The following ST7 variants were observed in gnomAD, a reference collection of about 807,000 sequenced individuals.
ST7 encodes suppressor of tumorigenicity 7 protein.
Under a neutral mutation model 78.7 loss-of-function variants are expected in ST7, and 28 were observed. The ratio of observed to expected loss-of-function variants is 0.36; its 90% CI spans 0.26 to 0.49. ST7 has a LOEUF of 0.49. Ranked by LOEUF, ST7 falls within the 20% of genes least tolerant of loss-of-function variation. The pLI, the probability that ST7 is intolerant of heterozygous loss-of-function variation, is 0.99. For missense variants in ST7, 418 were observed against 696.0 expected (o/e 0.60, Z 4.49); for synonymous variants, 247 against 249.6 (o/e 0.99, Z 0.10).
chr7:117,127,476 C>T (rs1161830348), intron 3 of ST7, among the ~76,000 whole-genome samples: 1 of 151,896 alleles, frequency 6.6e-6, no homozygotes, highest in East Asian at 1.9e-4. Context: ...CATGTGTGAC[C>T]TCTAGGTTGC....
intron 1 of ST7, among the ~76,000 whole-genome samples, chr7:117,039,313 C>T (rs1235675785): frequency 6.6e-6 from 1 of 152,132 alleles, no homozygotes; most frequent in African/African-American, 2.4e-5. Flanking sequence ...TATGATGGCT[C>T]ATGTAATGTC....
intron 1 of ST7, among the ~76,000 whole-genome samples, chr7:116,999,959 T>G (rs1794848354): frequency 6.6e-6 from 1 of 151,844 alleles, no homozygotes; most frequent in South Asian, 2.1e-4. Flanking sequence ...TACAGGTGCC[T>G]GCCACCACGC....
chr7:117,128,685 A>G (rs1394855189), intron 3 of ST7, among the ~76,000 whole-genome samples: 2 of 151,850 alleles, frequency 1.3e-5, no homozygotes, highest in African/African-American at 2.4e-5. Context: ...TGTGTTCTCC[A>G]TTATCACACT....
intron 1 of ST7, among the ~76,000 whole-genome samples, chr7:116,974,275 G>A (rs1793584866): frequency 6.6e-6 from 1 of 151,326 alleles, no homozygotes; most frequent in African/African-American, 2.4e-5. Context: ...TTTAGTATAT[G>A]CTTTTTCTTT....
chr7:117,025,901 A>G (rs1796160874), intron 1 of ST7, among the ~76,000 whole-genome samples: 1 of 152,240 alleles, frequency 6.6e-6, no homozygotes, highest in Admixed American at 6.5e-5. Flanking sequence ...ATACTAGTAC[A>G]GAAATGGAGT....
chr7:117,153,356 A>G (rs1231874816), intron 9 of ST7, among the ~76,000 whole-genome samples: 1 of 152,146 alleles, frequency 6.6e-6, no homozygotes, highest in Non-Finnish European at 1.5e-5. Context: ...TGAGAGAGAT[A>G]TGGGCTAGAG....
At chr7:117,208,724 C>T (rs1031391547) in intron 12 of ST7, among the ~76,000 whole-genome samples, 13 of 152,302 alleles carry the variant, frequency 8.5e-5, no homozygotes, top group African/African-American at 2.6e-4. Flanking sequence ...TAAACTTCCA[C>T]GGACAGAAAA....
intron 1 of ST7, among the ~76,000 whole-genome samples, chr7:117,016,275 C>T (rs1435474177): frequency 6.6e-6 from 1 of 152,078 alleles, no homozygotes; most frequent in African/African-American, 2.4e-5. Flanking sequence ...AAATAAAATG[C>T]ACCCACCTTT....
In ST7 at chr7:117,152,177, CTATATATATATA is replaced by C. The variant is rs58892731; in HGVS notation, c.963+13680_963+13691del. On this transcript the variant is annotated intron_variant, in intron 9 of 15. Coordinates refer to ENST00000323984, the MANE Select transcript of ST7 (RefSeq NM_001369598.1). ...AATATATGTATTATATATATAAAAA[CTATATATATATA>C]TATATATATATATATATATATATAT... 7.7e-3 allele frequency among the ~76,000 whole-genome samples: 512 copies of C among 66,804 alleles called. 6 individuals carry two copies. Among genetic ancestry groups the C allele is most frequent in the African/African-American group, 0.014 (278 of 19,916 alleles). 43.8% of individuals were successfully genotyped at this position (66,804 alleles called of 152,430 possible).
At chr7:116,998,088 G>A (rs1399067525) in intron 1 of ST7, among the ~76,000 whole-genome samples, 2 of 152,252 alleles carry the variant, frequency 1.3e-5, no homozygotes, top group East Asian at 3.8e-4. Flanking sequence ...AGGAGCCCAT[G>A]GAGGCAGGGG....
At chr7:117,154,915 G>A (rs1806569547) in intron 9 of ST7, among the ~76,000 whole-genome samples, 1 of 152,050 alleles carries the variant, frequency 6.6e-6, no homozygotes, top group African/African-American at 2.4e-5. Context: ...GGGAGGAAGG[G>A]GAGGGAGTGT....
At position 116,955,295 on chromosome 7, in the gene ST7, G is replaced by C. The variant is rs1367093710; in HGVS notation, c.151+1604G>C. On this transcript the variant is annotated intron_variant, in intron 1 of 15. Transcript: ENST00000323984. Reference sequence around the variant, plus strand: ...GCTGTAACAGAATACCACAGATTGGGTAATTTTTAAAGAACACATTTTATT... The same window carrying C: ...GCTGTAACAGAATACCACAGATTGGCTAATTTTTAAAGAACACATTTTATT... 32 of 326,566 alleles carry C rather than the reference G, an allele frequency of 9.8e-5. 1 individual carries two copies. The highest frequency in any genetic ancestry group is 7.7e-4 in the South Asian group (32 of 41,296). 20.2% of individuals were successfully genotyped at this position (326,566 alleles called of 1,614,324 possible).
At chr7:117,001,494 CAGAAAGGACTAGT>C (rs1794930716) in intron 1 of ST7, among the ~76,000 whole-genome samples, 1 of 152,076 alleles carries the variant, frequency 6.6e-6, no homozygotes, top group Non-Finnish European at 1.5e-5. Flanking sequence ...GTGTGAGCTG[CAGAAAGGACTAGT>C]AGTTAGTAAG....
At chr7:117,001,462 T>G (rs1225260396) in intron 1 of ST7, among the ~76,000 whole-genome samples, 1 of 152,174 alleles carries the variant, frequency 6.6e-6, no homozygotes, top group Non-Finnish European at 1.5e-5. Flanking sequence ...ATAAATGAGC[T>G]GGAAAAAGGG....
chr7:116,956,131 A>C (rs568190345), intron 1 of ST7, among the ~76,000 whole-genome samples: 1 of 152,332 alleles, frequency 6.6e-6, no homozygotes, highest in South Asian at 2.1e-4. Context: ...TTTTTCAAAA[A>C]ACAGTTGCAG....
chr7:117,178,680 C>T (rs1322804064), intron 10 of ST7, among the ~76,000 whole-genome samples: 1 of 152,168 alleles, frequency 6.6e-6, no homozygotes, highest in Non-Finnish European at 1.5e-5. Flanking sequence ...TTTAAAACTA[C>T]GTCTTGATTG....
intron 1 of ST7, among the ~76,000 whole-genome samples, chr7:116,981,020 C>T (rs1793935676): frequency 6.6e-6 from 1 of 152,096 alleles, no homozygotes; most frequent in African/African-American, 2.4e-5. Context: ...TCAATTTTTC[C>T]TTAACTTTAG....
At chr7:116,960,765 G>A (rs865813679) in intron 1 of ST7, among the ~76,000 whole-genome samples, 3 of 152,134 alleles carry the variant, frequency 2.0e-5, no homozygotes, top group Non-Finnish European at 4.4e-5. Flanking sequence ...TCTCCATTCT[G>A]TAGGTTTTCT....
At chr7:117,041,934 G>A (rs1256112023) in intron 1 of ST7, among the ~76,000 whole-genome samples, 2 of 152,156 alleles carry the variant, frequency 1.3e-5, no homozygotes, top group Non-Finnish European at 2.9e-5. Flanking sequence ...CTTAAATGTC[G>A]AAGAGGAAGG....
Sources: allele counts gnomAD v4.1 joint callset (sites outside exome capture counted in the v4.1 genomes callset), GRCh38; gene constraint gnomAD v4.1.1; transcripts MANE v1.5; gene names NCBI Gene and HGNC (gene_info 2026-07-23, HGNC 2026-07-21).